The following BCAS3 variants were observed in gnomAD, a reference collection of about 807,000 sequenced individuals.
BCAS3 encodes the protein BCAS4/BCAS3 fusion.
In BCAS3, 53 loss-of-function variants were observed where a neutral mutation model predicts 116.1. The ratio of observed to expected loss-of-function variants is 0.46; its 90% confidence interval spans 0.37 to 0.57. BCAS3 has a LOEUF of 0.57. BCAS3 is among the 20% of genes least tolerant of loss of function. The pLI, the probability that BCAS3 is intolerant of heterozygous loss-of-function variation, is 0.00. For synonymous variants in BCAS3, 391 were observed against 408.2 expected (o/e 0.96, Z 0.51); for missense variants, 917 against 1,165.4 (o/e 0.79, Z 3.10).
chr17:60,998,298 C>T (rs767066415), intron 15 of BCAS3, among the ~76,000 whole-genome samples: 18 of 152,138 alleles, frequency 1.2e-4, no homozygotes, highest in Non-Finnish European at 1.9e-4. Context: ...AATAGAACTG[C>T]GATGAACATA....
At position 61,180,306 on chromosome 17, in the gene BCAS3, A is replaced by G. The variant is rs966049856; in HGVS notation, c.2425+95742A>G. Among the ~76,000 whole-genome samples the G allele has an allele frequency of 3.9e-5, 6 of 152,230 alleles. No homozygotes were observed. Among genetic ancestry groups the G allele is most frequent in the Non-Finnish European group, 8.8e-5 (6 of 68,044 alleles). ...AATGATGTATTATTTCACTTAAAAA[A>G]ATCTTGGAAGATAAACCAAGACAGG... On this transcript the variant is annotated intron_variant, in intron 22 of 23. Coordinates refer to ENST00000407086, the MANE Select transcript of BCAS3 (RefSeq NM_017679.5). This position sits in a 1 kb window ranked among gnomAD's most constrained non-coding sequence, Gnocchi z 6.0.
intron 22 of BCAS3, among the ~76,000 whole-genome samples, chr17:61,142,323 G>A (rs1322379642): frequency 6.6e-6 from 1 of 152,170 alleles, no homozygotes; most frequent in East Asian, 1.9e-4. Flanking sequence ...TAGTACAGCG[G>A]CTTTCTTGAT....
intron 22 of BCAS3, among the ~76,000 whole-genome samples, chr17:61,195,028 A>G (rs895480090): frequency 1.3e-5 from 2 of 152,228 alleles, no homozygotes; most frequent in Non-Finnish European, 2.9e-5. Flanking sequence ...ACAAGCTCTC[A>G]TGGAGCTTTC....
At chr17:60,768,923 G>A (rs746463618) in intron 6 of BCAS3, among the ~76,000 whole-genome samples, 8 of 152,192 alleles carry the variant, frequency 5.3e-5, no homozygotes, top group Non-Finnish European at 1.0e-4. Flanking sequence ...AGTGGCAATA[G>A]CAGGGGTGGA....
intron 21 of BCAS3, among the ~76,000 whole-genome samples, chr17:61,080,145 T>C (rs1010854503): frequency 1.6e-4 from 24 of 151,920 alleles, no homozygotes; most frequent in Admixed American, 1.4e-3. Context: ...CCTCAGGTGA[T>C]CTGCCCGCCT....
chr17:60,785,085 C>G (rs1480359349), intron 6 of BCAS3, among the ~76,000 whole-genome samples: 2 of 152,052 alleles, frequency 1.3e-5, no homozygotes, highest in African/African-American at 4.8e-5. Context: ...GGCAACAGAG[C>G]GAGACTCCGT....
chr17:61,218,005 C>T (rs1311647131), intron 22 of BCAS3, among the ~76,000 whole-genome samples: 1 of 152,128 alleles, frequency 6.6e-6, no homozygotes, highest in Non-Finnish European at 1.5e-5. Context: ...CTGACCTTCT[C>T]CAAGTAGCTC....
At chr17:61,173,221 C>T (rs914689030) in intron 22 of BCAS3, among the ~76,000 whole-genome samples, 3 of 152,012 alleles carry the variant, frequency 2.0e-5, no homozygotes, top group African/African-American at 4.8e-5. Flanking sequence ...GAGGCCAAGG[C>T]GGGAGGATCA....
At chr17:61,330,841 T>C (rs1488508625) in intron 22 of BCAS3, among the ~76,000 whole-genome samples, 1 of 152,218 alleles carries the variant, frequency 6.6e-6, no homozygotes, top group East Asian at 1.9e-4. Context: ...GGCTTCAGTT[T>C]CCTCATTTGC....
intron 16 of BCAS3, among the ~76,000 whole-genome samples, chr17:61,016,657 A>G (rs568634133): frequency 6.6e-6 from 1 of 152,360 alleles, no homozygotes; most frequent in South Asian, 2.1e-4. Context: ...TTTGTTTTCC[A>G]TAATGAGCAA....
chr17:61,154,317 GT>G (rs369490103), intron 22 of BCAS3, among the ~76,000 whole-genome samples: 78 of 152,274 alleles, frequency 5.1e-4, no homozygotes, highest in African/African-American at 1.9e-3. Context: ...CTAAACCTTT[GT>G]GTGCTGGACC....
intron 5 of BCAS3, among the ~76,000 whole-genome samples, chr17:60,736,022 T>C (rs1364314814): frequency 7.0e-6 from 1 of 143,848 alleles, no homozygotes; most frequent in East Asian, 1.9e-4. Flanking sequence ...GCATACCTGG[T>C]GTGAATTCCA....
chr17:61,029,849 T>C lies in BCAS3; in HGVS notation c.1638-4817T>C, dbSNP rs1290655770. Among the ~76,000 whole-genome samples the C allele has an allele frequency of 1.3e-5, 2 of 152,020 alleles. No individual in the cohort carries two copies. Among genetic ancestry groups the C allele is most frequent in the Non-Finnish European group, 2.9e-5 (2 of 67,934 alleles). On this transcript the variant is annotated intron_variant, in intron 16 of 23. Transcript: ENST00000407086. This position sits in a 1 kb window ranked among gnomAD's most constrained non-coding sequence, Gnocchi z 5.2. ...AAACTAATCTTGTTCTCTTAAATAT[T>C]TTAAAATTTTATGATTTCATTTTTT... is the stretch of plus-strand genomic sequence containing the variant.
chr17:60,761,284 A>G (rs1438910418), intron 6 of BCAS3, among the ~76,000 whole-genome samples: 1 of 152,102 alleles, frequency 6.6e-6, no homozygotes, highest in Non-Finnish European at 1.5e-5. Context: ...GCATATGTAT[A>G]CATGTGCCGT....
At chr17:61,359,516 A>T (rs1415871474) in intron 22 of BCAS3, among the ~76,000 whole-genome samples, 2 of 142,456 alleles carry the variant, frequency 1.4e-5, no homozygotes, top group Non-Finnish European at 1.5e-5. Flanking sequence ...TTTTTTTGAG[A>T]CGGACTCTCT....
chr17:61,267,970 C>T (rs1026704790), intron 22 of BCAS3, among the ~76,000 whole-genome samples: 1 of 152,050 alleles, frequency 6.6e-6, no homozygotes, highest in African/African-American at 2.4e-5. Flanking sequence ...AACTGGGTCA[C>T]ATATCTCTTG....
At chr17:60,882,732 G>C (rs1339063594) in intron 9 of BCAS3, among the ~76,000 whole-genome samples, 2 of 146,994 alleles carry the variant, frequency 1.4e-5, no homozygotes, top group Admixed American at 6.7e-5. Flanking sequence ...TGTCAGGTTT[G>C]TCAAAGATCA....
At chr17:60,705,821 C>T (rs1344668435) in intron 4 of BCAS3, among the ~76,000 whole-genome samples, 1 of 152,104 alleles carries the variant, frequency 6.6e-6, no homozygotes, top group Non-Finnish European at 1.5e-5. Context: ...AATACTGGCA[C>T]TGAAATGAAA....
rs79179572 is a variant in BCAS3, at chr17:60,991,616, C to T, written c.1486+1381C>T. Among the ~76,000 whole-genome samples the T allele has an allele frequency of 2.0e-4, 30 of 152,282 alleles. 1 individual carries two copies. The East Asian group carries it at 5.8e-3, about 29-fold the overall frequency. ...AGAGATTGTGGTTACCACAGAAAGT[C>T]ATTGTTATTTTATTAATTGACCTGA... On this transcript the variant is annotated intron_variant, in intron 15 of 23. Coordinates refer to ENST00000407086, the MANE Select transcript of BCAS3 (RefSeq NM_017679.5).
Sources: gnomAD v4.1 joint callset for allele counts (sites outside exome capture counted in the v4.1 genomes callset) on GRCh38, gnomAD v4.1.1 for gene constraint, Gnocchi (gnomAD v3.1) non-coding constraint, MANE v1.5 for transcripts, NCBI Gene and HGNC (gene_info 2026-07-23, HGNC 2026-07-21) for gene names.